ANKFN1: variants seen among roughly 807,000 people sequenced by gnomAD.
ANKFN1 encodes the protein ankyrin repeat and fibronectin type III domain containing 1.
Under a neutral mutation model 108.7 loss-of-function variants are expected in ANKFN1, and 74 were observed. The observed-to-expected ratio is 0.68, with a 90% confidence interval of 0.56 to 0.83. The LOEUF is 0.83. Among genes scored for constraint, ANKFN1 ranks in the 40% least tolerant of loss-of-function variants. ANKFN1 has a pLI of 0.00. For synonymous variants in ANKFN1, 547 were observed against 516.2 expected, an observed-to-expected ratio of 1.06 and a Z score of -0.81; for missense variants, 1,505 against 1,382.3, an observed-to-expected ratio of 1.09 and a Z score of -1.41.
At chr17:56,105,365 G>A (rs182938598) in intron 4 of ANKFN1, among the ~76,000 whole-genome samples, 1 of 152,232 alleles carries the variant, frequency 6.6e-6, no homozygotes, top group Non-Finnish European at 1.5e-5. Context: ...ACGGGAGTCT[G>A]CTAGCTACCC....
At chr17:56,264,405 C>A (rs1361995438) in intron 3 of ANKFN1, among the ~76,000 whole-genome samples, 1 of 152,176 alleles carries the variant, frequency 6.6e-6, no homozygotes, top group Non-Finnish European at 1.5e-5. Flanking sequence ...GCCTGTTAGA[C>A]CTCCCAAACT....
chr17:56,118,210 A>T (rs1192758874), intron 4 of ANKFN1, among the ~76,000 whole-genome samples: 1 of 152,084 alleles, frequency 6.6e-6, no homozygotes, highest in African/African-American at 2.4e-5. Context: ...CAAGTTTGCG[A>T]GGTCATATGT....
At chr17:56,336,930 A>G (rs188567813) in intron 4 of ANKFN1, among the ~76,000 whole-genome samples, 1 of 152,014 alleles carries the variant, frequency 6.6e-6, no homozygotes, top group African/African-American at 2.4e-5. Context: ...TCTTTGTTTC[A>G]TTGGTTTCAA....
At chr17:56,117,242 A>G (rs1906337244) in intron 4 of ANKFN1, among the ~76,000 whole-genome samples, 2 of 152,130 alleles carry the variant, frequency 1.3e-5, no homozygotes, top group African/African-American at 4.8e-5. Context: ...CTCAATGACT[A>G]TTTGTTGAAT....
At chr17:56,325,261 G>T (rs1199478102) in intron 3 of ANKFN1, among the ~76,000 whole-genome samples, 3 of 93,080 alleles carry the variant, frequency 3.2e-5, no homozygotes, top group Non-Finnish European at 5.9e-5. Context: ...TGCTAGTGTC[G>T]CTGTGTGTGT....
intron 18 of ANKFN1, among the ~76,000 whole-genome samples, chr17:56,484,582 A>G (rs529453371): frequency 6.6e-6 from 1 of 152,252 alleles, no homozygotes; most frequent in East Asian, 1.9e-4. Context: ...ATATGTTGAG[A>G]CTGAAGGTGC....
At chr17:56,132,480 T>C (rs1907338491) in intron 4 of ANKFN1, among the ~76,000 whole-genome samples, 1 of 152,148 alleles carries the variant, frequency 6.6e-6, no homozygotes, top group African/African-American at 2.4e-5. Context: ...TTTTCTTTAT[T>C]CACAATTCTT....
chr17:56,270,014 A>G (rs1362185385), intron 3 of ANKFN1, among the ~76,000 whole-genome samples: 1 of 152,158 alleles, frequency 6.6e-6, no homozygotes, highest in Non-Finnish European at 1.5e-5. Context: ...GGTGTCCAAA[A>G]TCTTTTGGAA....
chr17:56,447,347 T>C (rs1330963780), intron 10 of ANKFN1, among the ~76,000 whole-genome samples: 1 of 152,136 alleles, frequency 6.6e-6, no homozygotes, highest in East Asian at 1.9e-4. Flanking sequence ...CTGTGCCAAT[T>C]CCCTGTCTCC....
At chr17:56,276,537 C>T (rs1039475507) in intron 3 of ANKFN1, among the ~76,000 whole-genome samples, 3 of 152,098 alleles carry the variant, frequency 2.0e-5, no homozygotes, top group East Asian at 1.9e-4. Flanking sequence ...TTTTAATGAT[C>T]GCCATTCTAA....
chr17:56,277,109 TC>T (rs2043955723), intron 3 of ANKFN1, among the ~76,000 whole-genome samples: 1 of 152,192 alleles, frequency 6.6e-6, no homozygotes, highest in Admixed American at 6.5e-5. Flanking sequence ...CATGCCAAGC[TC>T]CCACTACCAT....
At chr17:56,356,890 T>G (rs1025047378) in intron 6 of ANKFN1, among the ~76,000 whole-genome samples, 1 of 152,126 alleles carries the variant, frequency 6.6e-6, no homozygotes, top group Non-Finnish European at 1.5e-5. Context: ...ACATTAGTCC[T>G]ACTCACTTAC....
In ANKFN1 at chr17:56,153,619, G is replaced by A. The variant is rs1908813775; in HGVS notation, c.-71+89G>A. On this transcript the variant is annotated intron_variant, in intron 1 of 20. Coordinates refer to ENST00000682825, the MANE Select transcript of ANKFN1 (RefSeq NM_001370326.1). ...CAGGCAGGAAAATGTGAGTTGAGTG[G>A]GCGAGTGAATTCGGGCGTTAGCTGG... 17 of 1,545,560 alleles carry A rather than the reference G, an allele frequency of 1.1e-5. No homozygotes were observed. The South Asian group carries it at 1.8e-4, about 16-fold the overall frequency.
At chr17:56,227,771 G>A in intron 2 of ANKFN1, 146 bp from the exon 3 acceptor site, 1 of 673,344 alleles carries the variant, frequency 1.5e-6, no homozygotes, top group Admixed American at 3.3e-5. Context: ...CCCAAGAAAA[G>A]TCTCCCAATA....
intron 12 of ANKFN1, 75 bp downstream of exon 12, chr17:56,457,035 T>C (rs2049729735): frequency 2.2e-6 from 3 of 1,389,986 alleles, no homozygotes; most frequent in Non-Finnish European, 3.0e-6. Flanking sequence ...AGTAGAAACT[T>C]GGTAGAAATT....
At position 56,511,065 on chromosome 17, in the gene ANKFN1, T is replaced by C. The variant is rs2051744275; in HGVS notation, c.3237T>C (p.Ser1079=). Reference sequence around the variant, plus strand: ...GCCTTCCTGAGGAGCGGAACAGCAGTCTCCAGGACGCGAGGCCTTCCGTCC... The same window carrying C: ...GCCTTCCTGAGGAGCGGAACAGCAGCCTCCAGGACGCGAGGCCTTCCGTCC... ...AASLPEERNS[S]LQDARPSVRR... is the part of the protein sequence containing the mutation. The change falls in exon 21 of 21, where the codon AGT becomes AGC. Residue 1079 remains serine, a synonymous_variant. Coordinates refer to ENST00000682825, the MANE Select transcript of ANKFN1 (RefSeq NM_001370326.1). 1 of 1,535,862 alleles carries C rather than the reference T, an allele frequency of 6.5e-7. No individual in the cohort carries two copies.
At chr17:56,467,795 A>AAAGAAAGAAAGAAAG (rs2050157596) in intron 15 of ANKFN1, among the ~76,000 whole-genome samples, 2 of 17,702 alleles carry the variant, frequency 1.1e-4, no homozygotes, top group Admixed American at 7.6e-4. Flanking sequence ...AAGAAAGAAG[A>AAAGAAAGAAAGAAAG]AAGAAAGAAA....
chr17:56,512,186 A>G lies in ANKFN1; in HGVS notation c.*917A>G, dbSNP rs907585536. ...TAAGTCCATGGGGGCTGTGTCTCTG[A>G]AAATCATAGTGGATCAGCTCCAGAT... On this transcript the variant is annotated 3_prime_UTR_variant, in exon 21 of 21. Coordinates refer to ENST00000682825, the MANE Select transcript of ANKFN1 (RefSeq NM_001370326.1). Among the ~76,000 whole-genome samples, 1 of 152,198 alleles carries G rather than the reference A, an allele frequency of 6.6e-6. No individual in the cohort carries two copies. Among genetic ancestry groups the G allele is most frequent in the Non-Finnish European group, 1.5e-5 (1 of 68,040 alleles).
At chr17:56,181,859 A>G (rs1911706709) in intron 1 of ANKFN1, among the ~76,000 whole-genome samples, 1 of 152,196 alleles carries the variant, frequency 6.6e-6, no homozygotes, top group Non-Finnish European at 1.5e-5. Flanking sequence ...GCCTATGGGC[A>G]TCATTTTTCC....
Sources: gnomAD v4.1 joint callset for allele counts (sites outside exome capture counted in the v4.1 genomes callset) on GRCh38, gnomAD v4.1.1 for gene constraint, MANE v1.5 for transcripts, NCBI Gene and HGNC (gene_info 2026-07-23, HGNC 2026-07-21) for gene names.